The following ERICH6B variants were observed in gnomAD, a reference collection of about 807,000 sequenced individuals.
The protein encoded by ERICH6B is glutamate rich 6B, also known as glutamate-rich protein 6B.
Under a neutral mutation model 80.0 loss-of-function variants are expected in ERICH6B, and 69 were observed. That is an observed-to-expected ratio of 0.86 (90% CI 0.71 to 1.05). The LOEUF (loss-of-function observed/expected upper bound fraction) is 1.05. Ranked by LOEUF, ERICH6B falls within the 50% of genes least tolerant of loss-of-function variation. The pLI, the probability that ERICH6B is intolerant of heterozygous loss-of-function variation, is 0.00. For missense variants in ERICH6B, 754 were observed against 796.1 expected, an observed-to-expected ratio of 0.95 and a Z score of 0.64; for synonymous variants, 283 against 291.9, an observed-to-expected ratio of 0.97 and a Z score of 0.31.
intron 8 of ERICH6B, 63 bp downstream of exon 8, chr13:45,574,779 G>T: frequency 2.3e-6 from 3 of 1,331,358 alleles, no homozygotes; most frequent in African/African-American, 1.5e-5. Flanking sequence ...CCTGGGCTAG[G>T]CTTGGGCCAC....
chr13:45,595,097 C>A (rs1244276217), intron 3 of ERICH6B, among the ~76,000 whole-genome samples: 1 of 152,206 alleles, frequency 6.6e-6, no homozygotes, highest in Non-Finnish European at 1.5e-5. Context: ...TACCCACAGA[C>A]TAAAATGATT....
chr13:45,561,548 G>A, intron 10 of ERICH6B, 22 bp from the exon 11 acceptor site: 1 of 1,549,364 alleles, frequency 6.5e-7, no homozygotes, highest in Non-Finnish European at 8.7e-7. Context: ...TTCAACGATT[G>A]CATTGAATAA....
intron 2 of ERICH6B, among the ~76,000 whole-genome samples, chr13:45,606,537 A>ATT (rs1949865432): frequency 1.5e-4 from 2 of 12,916 alleles, no homozygotes; most frequent in African/African-American, 2.0e-4. Context: ...ATATATATAT[A>ATT]TATATATATA....
intron 5 of ERICH6B, among the ~76,000 whole-genome samples, chr13:45,584,677 T>C (rs1381575611): frequency 6.6e-6 from 1 of 152,208 alleles, no homozygotes; most frequent in African/African-American, 2.4e-5. Flanking sequence ...GGACACCCAG[T>C]TCTGGGCCTC....
intron 14 of ERICH6B, among the ~76,000 whole-genome samples, chr13:45,542,024 C>A (rs1333487508): frequency 1.3e-5 from 2 of 152,186 alleles, no homozygotes; most frequent in Non-Finnish European, 2.9e-5. Context: ...GGGTCCCGAC[C>A]ATGGGGCCCT....
intron 11 of ERICH6B, among the ~76,000 whole-genome samples, chr13:45,557,212 G>A (rs540457551): frequency 1.1e-4 from 16 of 151,972 alleles, no homozygotes; most frequent in Admixed American, 2.0e-4. Flanking sequence ...ATTTTTTCAC[G>A]TTTGTTGGTC....
chr13:45,555,349 C>T (rs578027226), intron 11 of ERICH6B: 1 of 152,336 alleles, frequency 6.6e-6, no homozygotes, highest in South Asian at 2.1e-4. Flanking sequence ...GTCCCACAGA[C>T]TTCCCTTCTC....
intron 7 of ERICH6B, among the ~76,000 whole-genome samples, chr13:45,577,242 A>G (rs1875444675): frequency 6.9e-6 from 1 of 145,212 alleles, no homozygotes; most frequent in African/African-American, 2.5e-5. Context: ...CCCCAGGTGG[A>G]GCATGTCTTC....
intron 11 of ERICH6B, among the ~76,000 whole-genome samples, chr13:45,554,390 G>T (rs978882068): frequency 6.6e-6 from 1 of 152,130 alleles, no homozygotes; most frequent in East Asian, 1.9e-4. Context: ...GGTTTAAAAA[G>T]TGCTTTGTAT....
chr13:45,598,512 T>C (rs747430243), intron 2 of ERICH6B, among the ~76,000 whole-genome samples: 6 of 152,070 alleles, frequency 3.9e-5, no homozygotes, highest in Non-Finnish European at 8.8e-5. Flanking sequence ...GCTGTCTGAG[T>C]GGGAAACTCT....
rs138039869 is a variant in ERICH6B, at chr13:45,581,596, C to T, written c.857-931G>A. Among the ~76,000 whole-genome samples the T allele has an allele frequency of 5.0e-3, 763 of 152,290 alleles. 6 individuals carry two copies. The highest frequency in any genetic ancestry group is 0.016 in the African/African-American group (683 of 41,566). On this transcript the variant is annotated intron_variant, in intron 5 of 14. Transcript: ENST00000298738. ...TTTGCCGTGTTGGCCAGTCTGGTCT[C>T]GAACTCCTGACCTCAGGTGATCTGC...
chr13:45,615,413 A>G (rs1197320707), intron 1 of ERICH6B, among the ~76,000 whole-genome samples: 1 of 152,212 alleles, frequency 6.6e-6, no homozygotes, highest in Non-Finnish European at 1.5e-5. Context: ...CTTTATTTGT[A>G]GAAATATCAT....
intron 8 of ERICH6B, among the ~76,000 whole-genome samples, chr13:45,572,709 A>C (rs1875225613): frequency 6.6e-6 from 1 of 152,250 alleles, no homozygotes; most frequent in African/African-American, 2.4e-5. Context: ...ACAAATTTAC[A>C]TGTATGTCAG....
At chr13:45,583,867 G>C (rs1226822588) in intron 5 of ERICH6B, among the ~76,000 whole-genome samples, 1 of 152,128 alleles carries the variant, frequency 6.6e-6, no homozygotes, top group African/African-American at 2.4e-5. Context: ...AAATTACCCA[G>C]TCTCAGGTAT....
intron 9 of ERICH6B, among the ~76,000 whole-genome samples, chr13:45,568,055 A>T (rs1222130028): frequency 6.6e-6 from 1 of 152,080 alleles, no homozygotes; most frequent in Non-Finnish European, 1.5e-5. Flanking sequence ...ATCTGCCTTG[A>T]TCTTATCCTG....
intron 13 of ERICH6B, among the ~76,000 whole-genome samples, chr13:45,548,442 C>T (rs892258746): frequency 3.3e-5 from 5 of 152,206 alleles, no homozygotes; most frequent in Admixed American, 6.5e-5. Context: ...GGACTAAGCC[C>T]TTCCTCTGTG....
intron 13 of ERICH6B, 35 bp from the exon 14 acceptor site, chr13:45,545,020 C>A (rs183776433): frequency 4.6e-6 from 7 of 1,526,524 alleles, no homozygotes; most frequent in Middle Eastern, 2.3e-4. Flanking sequence ...GCAGCCAGGG[C>A]GCTCAGCCCT....
At chr13:45,543,130 C>G (rs914051902) in intron 14 of ERICH6B, among the ~76,000 whole-genome samples, 1 of 152,144 alleles carries the variant, frequency 6.6e-6, no homozygotes, top group Non-Finnish European at 1.5e-5. Flanking sequence ...GTAAGTGGAG[C>G]CTTCCCTGTG....
At chr13:45,607,647 C>T (rs1408667162) in intron 1 of ERICH6B, 32 bp from the exon 2 acceptor site, 3 of 152,266 alleles carry the variant, frequency 2.0e-5, no homozygotes, top group Non-Finnish European at 4.4e-5. Flanking sequence ...GTTAGTTATC[C>T]AGGAAGTTGG....
Sources: allele counts gnomAD v4.1 joint callset (sites outside exome capture counted in the v4.1 genomes callset), GRCh38; gene constraint gnomAD v4.1.1; transcripts MANE v1.5; gene names NCBI Gene and HGNC (gene_info 2026-07-23, HGNC 2026-07-21).